USP42: variants seen among roughly 807,000 people sequenced by gnomAD.
USP42 encodes the protein ubiquitin specific peptidase 42, also known as ubiquitin carboxyl-terminal hydrolase 42.
Under a neutral mutation model 113.0 loss-of-function variants are expected in USP42, and 23 were observed. That is an observed-to-expected ratio of 0.20 (90% CI 0.15 to 0.29). The LOEUF is 0.29. USP42 is among the 10% of genes least tolerant of loss of function. USP42 has a pLI of 1.00. For missense variants in USP42, 2,174 were observed against 1,779.8 expected, an observed-to-expected ratio of 1.22 and a Z score of -3.99; for synonymous variants, 933 against 699.0, an observed-to-expected ratio of 1.33 and a Z score of -5.28.
intron 14 of USP42, among the ~76,000 whole-genome samples, chr7:6,153,212 G>T (rs540860690): frequency 2.4e-4 from 37 of 151,966 alleles, no homozygotes; most frequent in Non-Finnish European, 4.0e-4. Flanking sequence ...GATGGAGGTT[G>T]CAGGGAGCTG....
chr7:6,109,102 G>C (rs1175720109), intron 1 of USP42, among the ~76,000 whole-genome samples: 1 of 152,188 alleles, frequency 6.6e-6, no homozygotes. Flanking sequence ...CGTCTTGGGG[G>C]AATGGTGATG....
intron 15 of USP42, among the ~76,000 whole-genome samples, chr7:6,156,290 G>A (rs1232441721): frequency 6.6e-6 from 1 of 152,202 alleles, no homozygotes; most frequent in East Asian, 1.9e-4. Context: ...TTCCCTTCAA[G>A]TAACTACTGG....
chr7:6,086,372 A>C, the USP42 span, among the ~76,000 whole-genome samples: 2 of 150,266 alleles, frequency 1.3e-5, no homozygotes, highest in African/African-American at 5.0e-5. Context: ...TGCCTGGCTA[A>C]TTTTTTGTAT....
In USP42 at chr7:6,155,128, G is replaced by A. The variant is rs1385215032; in HGVS notation, c.3574G>A (p.Ala1192Thr). The A allele has an allele frequency of 4.5e-6, 7 of 1,552,872 alleles. No homozygotes were observed. In the South Asian group the frequency reaches 7.1e-5, roughly 16 times the overall value. ...EQKDPLEEPK[A>T]KKHKKSKKKK... is the part of the protein sequence containing the mutation. ...GAAGGATCCTCTAGAAGAGCCTAAA[G>A]CAAAGAAGCACAAAAAATCAAAGAA... Residue 1192 changes from alanine (A) to threonine (T), a missense_variant, in exon 15 of 18, where the codon GCA (alanine) becomes ACA (threonine). Transcript: ENST00000306177.
the USP42 span, among the ~76,000 whole-genome samples, chr7:6,089,897 C>T: frequency 3.3e-5 from 5 of 150,996 alleles, no homozygotes; most frequent in South Asian, 4.1e-4. Flanking sequence ...TGTGGCTGGG[C>T]GCAGGAGGCG....
intron 15 of USP42, 145 bp downstream of exon 15, chr7:6,155,340 TGA>T: frequency 7.3e-7 from 1 of 1,367,324 alleles, no homozygotes; most frequent in South Asian, 1.8e-5. Flanking sequence ...CTGTGGGTTT[TGA>T]GAGTTCACTA....
Position 6,157,272 on chromosome 7 carries a change from G to T in USP42, c.3943+217G>T. On this transcript the variant is annotated intron_variant, in intron 16 of 17. Coordinates refer to ENST00000306177, the MANE Select transcript of USP42 (RefSeq NM_032172.3). This position sits in a 1 kb window ranked among gnomAD's most constrained non-coding sequence, Gnocchi z 4.1. ...CTTAGCGTTTATTGAAGGCCTAAGT[G>T]ACACAGGACTGAGGGCAGCACTACC... 1 of 1,305,876 alleles carries T rather than the reference G, an allele frequency of 7.7e-7. No individual in the cohort carries two copies. Among genetic ancestry groups the T allele is most frequent in the Non-Finnish European group, 9.7e-7 (1 of 1,030,296 alleles). 80.9% of individuals were successfully genotyped at this position (1,305,876 alleles called of 1,614,324 possible).
intron 12 of USP42, 66 bp from the exon 13 acceptor site, chr7:6,149,517 A>C (rs1781912684): frequency 6.5e-7 from 1 of 1,530,854 alleles, no homozygotes; most frequent in African/African-American, 1.4e-5. Flanking sequence ...CCATCAGCCA[A>C]AATGGGTTCT....
upstream of USP42, among the ~76,000 whole-genome samples, chr7:6,100,005 T>TATTTTC (rs1009023357): frequency 6.6e-5 from 3 of 45,632 alleles, no homozygotes; most frequent in Admixed American, 6.1e-4. Flanking sequence ...TTCACAAGTC[T>TATTTTC]ATTATTATTA....
In USP42 at chr7:6,154,795, C is replaced by A. The variant is rs1426714848; in HGVS notation, c.3241C>A (p.Arg1081Ser). ...GGACTGGAAGCCCTTCCACGGCGGC[C>A]GCGAGCACGAGCGGGCCGGGCTGCA... ...ARDWKPFHGG[R>S]EHERAGLHER... is the part of the protein sequence containing the mutation. The change falls in exon 15 of 18, where the codon CGC becomes AGC. Residue 1081 changes from arginine (R) to serine (S), a missense_variant. Coordinates refer to ENST00000306177, the MANE Select transcript of USP42 (RefSeq NM_032172.3). The A allele has an allele frequency of 4.5e-6, 7 of 1,547,422 alleles. No homozygotes were observed. The highest frequency in any genetic ancestry group is 1.4e-5 in the African/African-American group (1 of 72,834).
chr7:6,147,306 T>TA (rs1273928145), intron 11 of USP42, among the ~76,000 whole-genome samples: 4 of 151,534 alleles, frequency 2.6e-5, no homozygotes, highest in South Asian at 2.1e-4. Flanking sequence ...CTACAGAAAA[T>TA]AAAAAAATGA....
chr7:6,154,550 A>G lies in USP42; in HGVS notation c.2996A>G (p.His999Arg). ...DRQDRHAPEH[H>R]PGHGDRLSPG... Reference sequence around the variant, plus strand: ...CAGGACCGCCACGCCCCGGAGCACCACCCCGGCCACGGCGACAGGCTCAGC... The same window carrying G: ...CAGGACCGCCACGCCCCGGAGCACCGCCCCGGCCACGGCGACAGGCTCAGC... Residue 999 changes from histidine (H) to arginine (R), a missense_variant, in exon 15 of 18, where the codon CAC becomes CGC. Transcript: ENST00000306177. The G allele has an allele frequency of 6.5e-7, 1 of 1,546,962 alleles. No individual in the cohort carries two copies. Among genetic ancestry groups the G allele is most frequent in the Non-Finnish European group, 8.7e-7 (1 of 1,147,910 alleles).
Position 6,139,481 on chromosome 7 carries a change from G to C in USP42, c.656+287G>C. 1 of 276,100 alleles carries C rather than the reference G, an allele frequency of 3.6e-6. No individual in the cohort carries two copies. The highest frequency in any genetic ancestry group is 6.8e-6 in the Non-Finnish European group (1 of 148,148). 17.1% of individuals were successfully genotyped at this position (276,100 alleles called of 1,614,324 possible). A position where few individuals can be genotyped will look rare whatever the true frequency, so the allele number is the denominator to read the frequency against. On this transcript the variant is annotated intron_variant, in intron 5 of 17. Transcript: ENST00000306177. The surrounding 1 kb of genome is among the most constrained non-coding windows in gnomAD (Gnocchi z 4.5). ...TTCTCATTATCAGCAGACGTCTGCAGATCTCAAACTAGCTGCTTCTCCTTT... is the reference window on the plus strand; with the variant it reads ...TTCTCATTATCAGCAGACGTCTGCACATCTCAAACTAGCTGCTTCTCCTTT...
chr7:6,109,781 A>G (rs1779496420), intron 1 of USP42, among the ~76,000 whole-genome samples: 1 of 147,732 alleles, frequency 6.8e-6, no homozygotes, highest in Non-Finnish European at 1.5e-5. Flanking sequence ...GCTCTCTGCA[A>G]CTTCTGTCTC....
chr7:6,147,766 A>G lies in USP42; in HGVS notation c.1260A>G (p.Glu420=). ...IRSHDVKNGG[E]LTHPTHSPGQ... The stretch of plus-strand genomic sequence containing the variant: ...CCCATGATGTGAAAAATGGAGGTGA[A>G]CTTACTCATCCCACCCATAGCCCCG... Residue 420 remains glutamate (E), a synonymous_variant, in exon 12 of 18, where the codon GAA becomes GAG. Transcript: ENST00000306177. The G allele has an allele frequency of 1.3e-6, 2 of 1,593,448 alleles. No individual in the cohort carries two copies. Among genetic ancestry groups the G allele is most frequent in the Admixed American group, 1.7e-5 (1 of 58,008 alleles).
chr7:6,115,772 C>G (rs1037030966), intron 3 of USP42, among the ~76,000 whole-genome samples: 6 of 151,978 alleles, frequency 3.9e-5, no homozygotes, highest in African/African-American at 1.4e-4. Context: ...TTTCTGAACT[C>G]CTTGTTGGTT....
chr7:6,150,492 G>C lies in USP42; in HGVS notation c.2187G>C (p.Ser729=). ...TFRLSNKLKG[S]TDEMSAPGAE... ...GGCTTAGCAACAAACTGAAAGGCTCGACGGATGAAATGAGGTAACGTAAGA... is the reference window on the plus strand; with the variant it reads ...GGCTTAGCAACAAACTGAAAGGCTCCACGGATGAAATGAGGTAACGTAAGA... Residue 729 remains serine, a synonymous_variant, in exon 14 of 18, where the codon TCG becomes TCC. Transcript: ENST00000306177. 6.2e-7 allele frequency: 1 copy of C among 1,613,892 alleles called. No individual in the cohort carries two copies. The highest frequency in any genetic ancestry group is 2.2e-5 in the East Asian group (1 of 44,884).
At chr7:6,110,904 A>G (rs943981279) in intron 1 of USP42, among the ~76,000 whole-genome samples, 13 of 152,220 alleles carry the variant, frequency 8.5e-5, no homozygotes, top group African/African-American at 3.1e-4. Context: ...TTCACTGAAG[A>G]TTTTAAAATA....
In USP42 at chr7:6,159,487, A is replaced by C; in HGVS notation, c.*30A>C. The C allele has an allele frequency of 6.2e-7, 1 of 1,613,670 alleles. No individual in the cohort carries two copies. Among genetic ancestry groups the C allele is most frequent in the Non-Finnish European group, 8.5e-7 (1 of 1,179,624 alleles). On this transcript the variant is annotated 3_prime_UTR_variant, in exon 17 of 18. Transcript: ENST00000306177. This position sits in a 1 kb window ranked among gnomAD's most constrained non-coding sequence, Gnocchi z 4.1. ...TCAGCCTCAAAACAAAAAATTCACT[A>C]GTTATGGTAAGCTGTTTTCCTGTCT...
Sources: allele counts gnomAD v4.1 joint callset (sites outside exome capture counted in the v4.1 genomes callset), GRCh38; gene constraint gnomAD v4.1.1; non-coding constraint Gnocchi (gnomAD v3.1); transcripts MANE v1.5; gene names NCBI Gene and HGNC (gene_info 2026-07-23, HGNC 2026-07-21).